Variants in SUCLG2 observed in about 807,000 individuals in gnomAD.
SUCLG2 encodes succinate--CoA ligase [GDP-forming] subunit beta, mitochondrial.
In SUCLG2, 42 loss-of-function variants were observed where a neutral mutation model predicts 47.9. The ratio of observed to expected loss-of-function variants is 0.88; its 90% CI spans 0.69 to 1.14. SUCLG2 has a LOEUF of 1.14. Among genes scored for constraint, SUCLG2 ranks in the 50% most tolerant of loss-of-function variants. The pLI is 0.00. For synonymous variants in SUCLG2, 195 were observed against 197.3 expected (o/e 0.99, Z 0.10); for missense variants, 571 against 525.9 (o/e 1.09, Z -0.84).
At chr3:67,533,695 T>C (rs989005448) in intron 2 of SUCLG2, among the ~76,000 whole-genome samples, 2 of 152,214 alleles carry the variant, frequency 1.3e-5, no homozygotes, top group Non-Finnish European at 2.9e-5. Context: ...CTCACTTCTA[T>C]GTTTGCGTTA....
In SUCLG2 at chr3:67,382,251, T is replaced by C. The variant is rs80341376; in HGVS notation, c.1184-6392A>G. Among the ~76,000 whole-genome samples, 1,410 of 152,272 alleles carry C rather than the reference T, an allele frequency of 9.3e-3. 27 individuals are homozygous for C. The highest frequency in any genetic ancestry group is 0.033 in the African/African-American group (1,351 of 41,538). On this transcript the variant is annotated intron_variant, in intron 10 of 10. Transcript: ENST00000307227. ...AGTCAACATCATTTTAATCCCCATTTTACAGGAGAGGCAACAAAAACACTG... is the reference window on the plus strand; with the variant it reads ...AGTCAACATCATTTTAATCCCCATTCTACAGGAGAGGCAACAAAAACACTG...
At chr3:67,583,148 A>G (rs1707925183) in intron 2 of SUCLG2, among the ~76,000 whole-genome samples, 1 of 151,768 alleles carries the variant, frequency 6.6e-6, no homozygotes, top group Non-Finnish European at 1.5e-5. Context: ...GGTATGTTCA[A>G]TCACCAAGGC....
At chr3:67,497,912 A>G (rs934585853) in intron 8 of SUCLG2, among the ~76,000 whole-genome samples, 1 of 152,146 alleles carries the variant, frequency 6.6e-6, no homozygotes, top group Non-Finnish European at 1.5e-5. Context: ...GAATTATCCC[A>G]CCCAAACTCC....
chr3:67,401,565 G>T (rs1054759390), intron 9 of SUCLG2, among the ~76,000 whole-genome samples: 10 of 136,472 alleles, frequency 7.3e-5, no homozygotes, highest in African/African-American at 2.5e-4. Context: ...ATATTCAAAG[G>T]CATGTGGGCC....
At chr3:67,547,587 T>C (rs1380054003) in intron 2 of SUCLG2, among the ~76,000 whole-genome samples, 1 of 152,136 alleles carries the variant, frequency 6.6e-6, no homozygotes, top group Non-Finnish European at 1.5e-5. Flanking sequence ...TGCATAAACA[T>C]GATTTGACTG....
intron 9 of SUCLG2, among the ~76,000 whole-genome samples, chr3:67,422,005 G>C (rs1237588618): frequency 1.3e-5 from 2 of 152,148 alleles, no homozygotes; most frequent in African/African-American, 4.8e-5. Flanking sequence ...CATGTATATA[G>C]TACAGTCCTT....
intron 1 of SUCLG2, among the ~76,000 whole-genome samples, chr3:67,623,348 A>G (rs971746023): frequency 1.3e-5 from 2 of 152,068 alleles, no homozygotes; most frequent in African/African-American, 2.4e-5. Flanking sequence ...AAAATACAAA[A>G]AAATTAGCTG....
At chr3:67,449,229 T>C (rs939158219) in intron 9 of SUCLG2, among the ~76,000 whole-genome samples, 2 of 152,184 alleles carry the variant, frequency 1.3e-5, no homozygotes, top group Non-Finnish European at 2.9e-5. Flanking sequence ...CTTTAGGAAA[T>C]ATGTGAATGT....
intron 9 of SUCLG2, among the ~76,000 whole-genome samples, chr3:67,426,998 G>A (rs1703318555): frequency 6.6e-6 from 1 of 151,990 alleles, no homozygotes; most frequent in Admixed American, 6.6e-5. Flanking sequence ...AAAATAATAA[G>A]TAACACTAAG....
chr3:67,361,306 A>T (rs1701800901), intron 10 of SUCLG2, among the ~76,000 whole-genome samples: 1 of 152,242 alleles, frequency 6.6e-6, no homozygotes, highest in South Asian at 2.1e-4. Context: ...TTGACAGCTT[A>T]GTTAATGCAT....
rs112102694 is a variant in SUCLG2 at position 67,558,293 on chromosome 3, T to C, written c.227-29107A>G. Among the ~76,000 whole-genome samples, 1,211 of 128,812 alleles carry C rather than the reference T, an allele frequency of 9.4e-3. 11 individuals carry two copies. Among genetic ancestry groups the C allele is most frequent in the Non-Finnish European group, 0.011 (623 of 59,036 alleles). The allele number at this position is 128,812 out of a possible 152,430, so 84.5% of individuals were successfully genotyped here. A position where few individuals can be genotyped will look rare whatever the true frequency, so the allele number is the denominator to read the frequency against. On this transcript the variant is annotated intron_variant, in intron 2 of 10. Coordinates refer to ENST00000307227, the MANE Select transcript of SUCLG2 (RefSeq NM_003848.4). ...TATAGAGTAGCCATATGGTGCCTCATAAGAAACAATTAAAACTAATTTTCT... is the reference window on the plus strand; with the variant it reads ...TATAGAGTAGCCATATGGTGCCTCACAAGAAACAATTAAAACTAATTTTCT...
At chr3:67,624,957 C>T (rs1700797693) in intron 1 of SUCLG2, among the ~76,000 whole-genome samples, 1 of 152,176 alleles carries the variant, frequency 6.6e-6, no homozygotes, top group African/African-American at 2.4e-5. Flanking sequence ...TACAAATAGA[C>T]AATCTGACAC....
intron 7 of SUCLG2, among the ~76,000 whole-genome samples, chr3:67,507,976 C>A (rs1006053895): frequency 1.3e-5 from 2 of 152,220 alleles, no homozygotes; most frequent in African/African-American, 4.8e-5. Flanking sequence ...CACACATTTA[C>A]AAGCTTTTGC....
chr3:67,396,315 C>T lies in SUCLG2; in HGVS notation c.1183+4416G>A, dbSNP rs546772174. On this transcript the variant is annotated intron_variant, in intron 10 of 10. Transcript: ENST00000307227. ...AGAAAAGAGAGAGGAATCAAATAGA[C>T]GCAATAAAAAATGATAAGGGGGATA... Among the ~76,000 whole-genome samples, 19 of 151,888 alleles carry T rather than the reference C, an allele frequency of 1.3e-4. No homozygotes were observed. In the South Asian group the frequency reaches 2.1e-3, roughly 17 times the overall value.
At position 67,654,522 on chromosome 3, in the gene SUCLG2, A is replaced by C; in HGVS notation, c.65T>G (p.Phe22Cys). 1 of 1,250,184 alleles carries C rather than the reference A, an allele frequency of 8.0e-7. No individual in the cohort carries two copies. The highest frequency in any genetic ancestry group is 3.9e-5 in the Admixed American group (1 of 25,588). 77.4% of individuals were successfully genotyped at this position (1,250,184 alleles called of 1,614,324 possible). A position where few individuals can be genotyped will look rare whatever the true frequency, so the allele number is the denominator to read the frequency against. The change falls in exon 1 of 11, where the codon TTC becomes TGC. Residue 22 changes from phenylalanine to cysteine, a missense_variant. Phe to Cys is a radical substitution (Grantham distance 205). Transcript: ENST00000307227. ...LLRALALRPRFLAAGSQAVQL... is the reference protein window; with the variant it reads ...LLRALALRPRCLAAGSQAVQL... ...GCTCACCTGGGACCCGGCCGCCAGGAAGCGGGGCCGCAGCGCTAGGGCTCG... is the reference window on the plus strand; with the variant it reads ...GCTCACCTGGGACCCGGCCGCCAGGCAGCGGGGCCGCAGCGCTAGGGCTCG...
chr3:67,362,833 A>G (rs1263910784), intron 10 of SUCLG2, among the ~76,000 whole-genome samples: 1 of 152,168 alleles, frequency 6.6e-6, no homozygotes, highest in Non-Finnish European at 1.5e-5. Context: ...TCTCCCCCAC[A>G]GGAAGCCTGT....
In SUCLG2 at chr3:67,475,004, A is replaced by G. The variant is rs935441710; in HGVS notation, c.1062+20794T>C. Among the ~76,000 whole-genome samples, 3 of 29,518 alleles carry G rather than the reference A, an allele frequency of 1.0e-4. No individual in the cohort carries two copies. The East Asian group carries it at 1.5e-3, about 14-fold the overall frequency. 19.4% of individuals were successfully genotyped at this position (29,518 alleles called of 152,430 possible). A position where few individuals can be genotyped will look rare whatever the true frequency, so the allele number is the denominator to read the frequency against. ...AACCCTTATTTCCTTTCCTGGTCTA[A>G]AAAAAAAAAAAGAGAGGAAAAATCA... On this transcript the variant is annotated intron_variant, in intron 9 of 10. Coordinates refer to ENST00000307227, the MANE Select transcript of SUCLG2 (RefSeq NM_003848.4).
intron 9 of SUCLG2, among the ~76,000 whole-genome samples, chr3:67,479,037 T>A (rs980877765): frequency 1.3e-5 from 2 of 152,252 alleles, no homozygotes; most frequent in African/African-American, 4.8e-5. Context: ...GCTCAAGTCA[T>A]GTCTTCTCTG....
intron 2 of SUCLG2, among the ~76,000 whole-genome samples, chr3:67,608,695 A>G (rs1304088554): frequency 6.7e-6 from 1 of 150,032 alleles, no homozygotes; most frequent in African/African-American, 2.5e-5. Context: ...TTTTTTTAAG[A>G]GAGAGAAGGT....
Sources: gnomAD v4.1 joint callset for allele counts (sites outside exome capture counted in the v4.1 genomes callset) on GRCh38, gnomAD v4.1.1 for gene constraint, MANE v1.5 for transcripts, NCBI Gene and HGNC (gene_info 2026-07-23, HGNC 2026-07-21) for gene names.